Variants in DPF3 observed in about 807,000 individuals in gnomAD.
DPF3 encodes the protein zinc finger protein DPF3.
Under a neutral mutation model 56.8 loss-of-function variants are expected in DPF3, and 18 were observed. The ratio of observed to expected loss-of-function variants is 0.32; its 90% CI spans 0.22 to 0.47. DPF3 has a LOEUF of 0.47. Ranked by LOEUF, DPF3 falls within the 20% of genes least tolerant of loss-of-function variation. The probability of loss-of-function intolerance (pLI) is 1.00; values close to 1 mark genes in which losing one functional copy is unlikely to be tolerated. For synonymous variants in DPF3, 188 were observed against 180.2 expected (o/e 1.04, Z -0.35); for missense variants, 403 against 488.8 (o/e 0.82, Z 1.65).
At chr14:72,727,393 T>A (rs1043494577) in intron 4 of DPF3, among the ~76,000 whole-genome samples, 6 of 152,136 alleles carry the variant, frequency 3.9e-5, no homozygotes, top group Non-Finnish European at 8.8e-5. Flanking sequence ...CTGGCCAATG[T>A]GGTGAAACCC....
chr14:72,768,527 A>T (rs2139936740), intron 2 of DPF3, among the ~76,000 whole-genome samples: 1 of 152,352 alleles, frequency 6.6e-6, no homozygotes, highest in South Asian at 2.1e-4. Flanking sequence ...ATATTGTAAG[A>T]TGTATTAATC....
Position 72,893,020 on chromosome 14 carries a change from G to GC in DPF3, c.32+1036_32+1037insG, listed in dbSNP as rs1567273895. ...GGAAGGAAGGAAGGAAGGAAGGAAG[G>GC]AAGGATGAAAAGGAGGAGGAAGGCA... On this transcript the variant is annotated intron_variant, in intron 1 of 10. Coordinates refer to ENST00000556509, the MANE Select transcript of DPF3 (RefSeq NM_001280542.3). Among the ~76,000 whole-genome samples the GC allele has an allele frequency of 4.5e-3, 586 of 128,848 alleles. 22 individuals carry two copies. Among genetic ancestry groups the GC allele is most frequent in the African/African-American group, 8.7e-3 (301 of 34,510 alleles). The allele number at this position is 128,848 out of a possible 152,430, so 84.5% of individuals were successfully genotyped here. A position where few individuals can be genotyped will look rare whatever the true frequency, so the allele number is the denominator to read the frequency against.
intron 1 of DPF3, among the ~76,000 whole-genome samples, chr14:72,793,114 A>G (rs965537898): frequency 6.6e-6 from 1 of 152,248 alleles, no homozygotes; most frequent in African/African-American, 2.4e-5. Flanking sequence ...ATTTATGGAG[A>G]AACTCAGAAT....
At chr14:72,803,551 A>G (rs1892970378) in intron 1 of DPF3, among the ~76,000 whole-genome samples, 2 of 152,226 alleles carry the variant, frequency 1.3e-5, no homozygotes, top group Admixed American at 1.3e-4. Flanking sequence ...CCAACGTGTC[A>G]CCCAGCCTGG....
intron 1 of DPF3, among the ~76,000 whole-genome samples, chr14:72,891,865 A>G (rs1362380417): frequency 6.6e-6 from 1 of 152,156 alleles, no homozygotes; most frequent in Non-Finnish European, 1.5e-5. Context: ...TGGCAACACA[A>G]TTACAAATAC....
At chr14:72,877,307 G>A (rs1886152100) in intron 1 of DPF3, among the ~76,000 whole-genome samples, 1 of 152,216 alleles carries the variant, frequency 6.6e-6, no homozygotes, top group Non-Finnish European at 1.5e-5. Flanking sequence ...GAGTTTTGGA[G>A]AGAGGTGGAG....
intron 2 of DPF3, among the ~76,000 whole-genome samples, chr14:72,764,489 T>G (rs1400962314): frequency 6.3e-5 from 7 of 111,506 alleles, no homozygotes; most frequent in East Asian, 2.3e-4. Context: ...GAGTTGTTTT[T>G]TTTTTTTTTT....
intron 6 of DPF3, among the ~76,000 whole-genome samples, chr14:72,711,128 T>C (rs1888636145): frequency 6.6e-6 from 1 of 152,226 alleles, no homozygotes; most frequent in African/African-American, 2.4e-5. Context: ...TATAGCTTAT[T>C]ACCACTACAC....
intron 1 of DPF3, among the ~76,000 whole-genome samples, chr14:72,823,183 T>C (rs1943249341): frequency 6.6e-6 from 1 of 152,246 alleles, no homozygotes; most frequent in Non-Finnish European, 1.5e-5. Flanking sequence ...GGCAGCTAGC[T>C]GGACGCCATC....
At chr14:72,822,321 T>C (rs200320621) in intron 1 of DPF3, among the ~76,000 whole-genome samples, 2 of 152,146 alleles carry the variant, frequency 1.3e-5, no homozygotes, top group East Asian at 3.9e-4. Flanking sequence ...CCAGTGGAGG[T>C]TGTGGTGAGC....
At chr14:72,669,949 T>C in intron 8 of DPF3, 11 of 985,948 alleles carry the variant, frequency 1.1e-5, no homozygotes, top group Non-Finnish European at 1.3e-5. Flanking sequence ...AGCCAAGACA[T>C]ACCTTTTGAC....
chr14:72,744,281 C>T (rs1312075092), intron 3 of DPF3, among the ~76,000 whole-genome samples: 1 of 152,130 alleles, frequency 6.6e-6, no homozygotes, highest in Non-Finnish European at 1.5e-5. Context: ...CCCAGCTCCC[C>T]ACTTTTTTTG....
intron 1 of DPF3, chr14:72,836,600 C>T (rs1274501298): frequency 3.3e-6 from 3 of 906,788 alleles, no homozygotes; most frequent in Non-Finnish European, 4.0e-6. Flanking sequence ...AATTTTTCCC[C>T]CTTTTCTCTG....
intron 1 of DPF3, among the ~76,000 whole-genome samples, chr14:72,864,851 C>CA (rs1290007135): frequency 2.0e-5 from 3 of 152,206 alleles, no homozygotes; most frequent in Admixed American, 2.0e-4. Flanking sequence ...CCAGTGTCCC[C>CA]ACAAGCCACA....
intron 1 of DPF3, among the ~76,000 whole-genome samples, chr14:72,828,138 T>A (rs987344834): frequency 6.6e-6 from 1 of 152,180 alleles, no homozygotes; most frequent in African/African-American, 2.4e-5. Flanking sequence ...AGGTTAAACA[T>A]CATTATTTCC....
chr14:72,692,208 C>G (rs572838882), intron 7 of DPF3, among the ~76,000 whole-genome samples: 8 of 152,262 alleles, frequency 5.3e-5, no homozygotes, highest in Admixed American at 4.6e-4. Flanking sequence ...GAACACCTAC[C>G]ACCAAATCTT....
intron 8 of DPF3, among the ~76,000 whole-genome samples, chr14:72,659,424 C>T (rs973016809): frequency 5.3e-5 from 8 of 152,154 alleles, no homozygotes; most frequent in African/African-American, 1.9e-4. Flanking sequence ...AACCCATTAT[C>T]AGACACGTGA....
rs532757670 is a variant in DPF3 at position 72,786,211 on chromosome 14, C to T, written c.33-14318G>A. Reference sequence around the variant, plus strand: ...CCGGGAAGCGGAGGTTGCAGTGAGCCGAGATTGTGCCATTGCACTCCAACC... The same window carrying T: ...CCGGGAAGCGGAGGTTGCAGTGAGCTGAGATTGTGCCATTGCACTCCAACC... On this transcript the variant is annotated intron_variant, in intron 1 of 10. Transcript: ENST00000556509. Among the ~76,000 whole-genome samples the T allele has an allele frequency of 1.6e-3, 243 of 151,844 alleles. 1 individual carries two copies. Among genetic ancestry groups the T allele is most frequent in the African/African-American group, 5.4e-3 (225 of 41,346 alleles).
chr14:72,865,337 T>C (rs1885619065), intron 1 of DPF3, among the ~76,000 whole-genome samples: 1 of 152,186 alleles, frequency 6.6e-6, no homozygotes, highest in South Asian at 2.1e-4. Flanking sequence ...TTTCTGATAT[T>C]GTATGCACTG....
Sources: allele counts gnomAD v4.1 joint callset (sites outside exome capture counted in the v4.1 genomes callset), GRCh38; gene constraint gnomAD v4.1.1; transcripts MANE v1.5; gene names NCBI Gene and HGNC (gene_info 2026-07-23, HGNC 2026-07-21).